CDH13: variants seen among roughly 807,000 people sequenced by gnomAD.
CDH13 encodes cadherin-13.
In CDH13, 24 loss-of-function variants were observed where a neutral mutation model predicts 63.8. The ratio of observed to expected loss-of-function variants is 0.38; its 90% CI spans 0.27 to 0.53. The LOEUF (loss-of-function observed/expected upper bound fraction) is 0.53. Among genes scored for constraint, CDH13 ranks in the 20% least tolerant of loss-of-function variants. The probability of loss-of-function intolerance (pLI) is 0.85; values close to 1 mark genes in which losing one functional copy is unlikely to be tolerated. For missense variants in CDH13, 1,049 were observed against 903.1 expected (o/e 1.16, Z -2.07); for synonymous variants, 503 against 355.3 (o/e 1.42, Z -4.67).
chr16:83,390,362 A>T (rs1226664687), intron 6 of CDH13, among the ~76,000 whole-genome samples: 6 of 152,134 alleles, frequency 3.9e-5, no homozygotes, highest in Non-Finnish European at 7.4e-5. Flanking sequence ...CGTAGATACT[A>T]TGGAGGTGGA....
rs147907550 is a variant in CDH13, at chr16:83,179,257, G to A, written c.484-38088G>A. Among the ~76,000 whole-genome samples, 5 of 152,172 alleles carry A rather than the reference G, an allele frequency of 3.3e-5. No individual in the cohort carries two copies. The East Asian group carries it at 7.8e-4, about 24-fold the overall frequency. ...TCCCAGAAGACCACAGAACTTTTGTGTTCCATGCAGTGTCCCTAGCACTAC... is the reference window on the plus strand; with the variant it reads ...TCCCAGAAGACCACAGAACTTTTGTATTCCATGCAGTGTCCCTAGCACTAC... On this transcript the variant is annotated intron_variant, in intron 4 of 13. Transcript: ENST00000567109.
At chr16:83,459,739 A>G (rs2073127305) in intron 6 of CDH13, among the ~76,000 whole-genome samples, 1 of 152,250 alleles carries the variant, frequency 6.6e-6, no homozygotes, top group South Asian at 2.1e-4. Flanking sequence ...AAATAACCAA[A>G]TGACTCAACT....
At position 83,776,830 on chromosome 16, in the gene CDH13, T is replaced by TTCCG. The variant is rs1363770672; in HGVS notation, c.1682-3136_1682-3133dup. ...CTTTAAACTTTGGGGTCTCTCAGGA[T>TTCCG]TCCGTATTCCACCCCTCTGGCATTC... is the stretch of plus-strand genomic sequence containing the variant. On this transcript the variant is annotated intron_variant, in intron 11 of 13. Transcript: ENST00000567109. Among the ~76,000 whole-genome samples, 4 of 152,208 alleles carry TTCCG rather than the reference T, an allele frequency of 2.6e-5. No homozygotes were observed. In the East Asian group the frequency reaches 7.7e-4, roughly 29 times the overall value.
At position 83,077,186 on chromosome 16, in the gene CDH13, C is replaced by CTTTTTTTTTTTTTTTTTTTTT; in HGVS notation, c.366+44972_366+44992dup. 1.1e-3 allele frequency among the ~76,000 whole-genome samples: 65 copies of CTTTTTTTTTTTTTTTTTTTTT among 59,146 alleles called. 3 individuals are homozygous for CTTTTTTTTTTTTTTTTTTTTT. Among genetic ancestry groups the CTTTTTTTTTTTTTTTTTTTTT allele is most frequent in the Non-Finnish European group, 1.2e-3 (41 of 33,904 alleles). The allele number at this position is 59,146 out of a possible 152,430, so 38.8% of individuals were successfully genotyped here. Reference sequence around the variant, plus strand: ...TCTTTTCTTTTCTTTTTTTTCTTTTCTTTTTTTTTTTTTTTTTTTTTTTTG... The same window carrying CTTTTTTTTTTTTTTTTTTTTT: ...TCTTTTCTTTTCTTTTTTTTCTTTTCTTTTTTTTTTTTTTTTTTTTTTTTTTTTTTTTTTTTTTTTTTTTTG... On this transcript the variant is annotated intron_variant, in intron 3 of 13. Coordinates refer to ENST00000567109, the MANE Select transcript of CDH13 (RefSeq NM_001257.5).
intron 7 of CDH13, among the ~76,000 whole-genome samples, chr16:83,529,046 A>G (rs1339231028): frequency 2.0e-5 from 3 of 151,740 alleles, no homozygotes; most frequent in African/African-American, 4.8e-5. Flanking sequence ...AGAAGAGAAG[A>G]TGGAGGTCAT....
chr16:82,807,658 A>G (rs946095737), intron 1 of CDH13, among the ~76,000 whole-genome samples: 2 of 152,220 alleles, frequency 1.3e-5, no homozygotes, highest in African/African-American at 4.8e-5. Flanking sequence ...ATAACCCTTA[A>G]GCTAAAGCCT....
At chr16:83,131,181 G>A (rs1387865488) in intron 4 of CDH13, among the ~76,000 whole-genome samples, 2 of 52,198 alleles carry the variant, frequency 3.8e-5, no homozygotes, top group Non-Finnish European at 6.5e-5. Context: ...GGGGGTGTAT[G>A]ACCCCCCCCC....
At position 83,406,680 on chromosome 16, in the gene CDH13, G is replaced by A. The variant is rs199645548; in HGVS notation, c.781+61674G>A. Among the ~76,000 whole-genome samples, 3 of 152,186 alleles carry A rather than the reference G, an allele frequency of 2.0e-5. No homozygotes were observed. In the East Asian group the frequency reaches 5.8e-4, roughly 30 times the overall value. ...GGGGTTTCACCATATTGGTCAAGCT[G>A]GTCTTGAACTCCTGACCTCAGGTGA... On this transcript the variant is annotated intron_variant, in intron 6 of 13. Transcript: ENST00000567109.
At chr16:82,872,987 A>G (rs917460922) in intron 2 of CDH13, among the ~76,000 whole-genome samples, 3 of 152,352 alleles carry the variant, frequency 2.0e-5, no homozygotes, top group East Asian at 3.9e-4. Flanking sequence ...GAACACAGGA[A>G]AACGGCACAT....
intron 3 of CDH13, among the ~76,000 whole-genome samples, chr16:83,105,288 A>G (rs1567834185): frequency 6.6e-6 from 1 of 152,214 alleles, no homozygotes; most frequent in South Asian, 2.1e-4. Context: ...ATTTGATACA[A>G]AGTCAAACGC....
intron 1 of CDH13, among the ~76,000 whole-genome samples, chr16:82,770,101 C>T (rs910830576): frequency 6.6e-6 from 1 of 152,206 alleles, no homozygotes; most frequent in Non-Finnish European, 1.5e-5. Flanking sequence ...GGAAGTTCTC[C>T]TTTGAGTCAG....
intron 6 of CDH13, among the ~76,000 whole-genome samples, chr16:83,364,223 C>T (rs1203568707): frequency 6.6e-6 from 1 of 152,126 alleles, no homozygotes; most frequent in Admixed American, 6.5e-5. Flanking sequence ...AATAAGTCCA[C>T]ATACAAAATG....
intron 7 of CDH13, among the ~76,000 whole-genome samples, chr16:83,592,607 C>T (rs1405793661): frequency 1.3e-5 from 2 of 151,920 alleles, no homozygotes; most frequent in Admixed American, 6.6e-5. Context: ...TTTTGGTGTC[C>T]CTCAACCGCA....
chr16:83,534,224 C>A (rs188796604), intron 7 of CDH13, among the ~76,000 whole-genome samples: 2 of 152,106 alleles, frequency 1.3e-5, no homozygotes, highest in Non-Finnish European at 2.9e-5. Flanking sequence ...CAAAGAGGAG[C>A]GCATTAGGAA....
chr16:83,408,165 G>T (rs184753633), intron 6 of CDH13, among the ~76,000 whole-genome samples: 1 of 152,156 alleles, frequency 6.6e-6, no homozygotes, highest in Non-Finnish European at 1.5e-5. Flanking sequence ...CTTGTGACCC[G>T]TGTGACTATG....
chr16:83,328,453 T>C (rs2090416355), intron 5 of CDH13, among the ~76,000 whole-genome samples: 1 of 152,176 alleles, frequency 6.6e-6, no homozygotes, highest in South Asian at 2.1e-4. Flanking sequence ...AGTGAGAACT[T>C]AGAAGACAAT....
intron 1 of CDH13, among the ~76,000 whole-genome samples, chr16:82,749,240 G>A (rs1273914772): frequency 1.3e-5 from 2 of 152,064 alleles, no homozygotes; most frequent in African/African-American, 2.4e-5. Context: ...CAAATCCCTG[G>A]ATCCAGCTGT....
Position 82,761,269 on chromosome 16 carries a change from C to T in CDH13, c.46-97093C>T, listed in dbSNP as rs570007708. Among the ~76,000 whole-genome samples, 14 of 151,980 alleles carry T rather than the reference C, an allele frequency of 9.2e-5. No individual in the cohort carries two copies. The South Asian group carries it at 1.0e-3, about 11-fold the overall frequency. ...CTGACCTCAGGTGATCTGCCCTCCTCGGCCTCCCAAAGTGCTGGGATTACA... is the reference window on the plus strand; with the variant it reads ...CTGACCTCAGGTGATCTGCCCTCCTTGGCCTCCCAAAGTGCTGGGATTACA... On this transcript the variant is annotated intron_variant, in intron 1 of 13. Coordinates refer to ENST00000567109, the MANE Select transcript of CDH13 (RefSeq NM_001257.5).
intron 7 of CDH13, among the ~76,000 whole-genome samples, chr16:83,551,066 A>ATCTATCTG (rs2075483376): frequency 6.6e-6 from 1 of 150,816 alleles, no homozygotes; most frequent in East Asian, 2.0e-4. Context: ...ATATCTATCT[A>ATCTATCTG]TCTATCTATC....
Sources: allele counts gnomAD v4.1 joint callset (sites outside exome capture counted in the v4.1 genomes callset), GRCh38; gene constraint gnomAD v4.1.1; transcripts MANE v1.5; gene names NCBI Gene and HGNC (gene_info 2026-07-23, HGNC 2026-07-21).